C12orf50: variants seen among roughly 807,000 people sequenced by gnomAD.
C12orf50 encodes the protein zinc finger CCCH-type containing 11D.
A neutral mutation model predicts 61.6 loss-of-function variants in C12orf50; 35 were observed. That is an observed-to-expected ratio of 0.57 (90% CI 0.43 to 0.75). The LOEUF is 0.75. Among genes scored for constraint, C12orf50 ranks in the 30% least tolerant of loss-of-function variants. C12orf50 has a pLI of 0.00. For missense variants in C12orf50, 475 were observed against 488.5 expected (o/e 0.97, Z 0.26); for synonymous variants, 178 against 161.5 (o/e 1.10, Z -0.77).
chr12:88,029,904 A>G (rs1333820023), upstream of C12orf50, among the ~76,000 whole-genome samples: 1 of 152,220 alleles, frequency 6.6e-6, no homozygotes, highest in African/African-American at 2.4e-5. Context: ...TTCATCCATC[A>G]TAAAAAGAGG....
rs926399825 is a variant in C12orf50 at position 87,998,264 on chromosome 12, G to T, written c.134-74C>A. ...TAAGTAGATGTAACAATCAATCATTGCCCTCCTAATTAACTATATATTATT... is the reference window on the plus strand; with the variant it reads ...TAAGTAGATGTAACAATCAATCATTTCCCTCCTAATTAACTATATATTATT... On this transcript the variant is annotated intron_variant, in intron 3 of 12. Transcript: ENST00000298699. 1.1e-5 allele frequency: 13 copies of T among 1,162,270 alleles called. No individual in the cohort carries two copies. In the East Asian group the frequency reaches 1.7e-4, roughly 15 times the overall value. The allele number at this position is 1,162,270 out of a possible 1,614,324, so 72.0% of individuals were successfully genotyped here. A position where few individuals can be genotyped will look rare whatever the true frequency, so the allele number is the denominator to read the frequency against.
chr12:88,009,955 T>C (rs2032033446), intron 3 of C12orf50, among the ~76,000 whole-genome samples: 1 of 152,154 alleles, frequency 6.6e-6, no homozygotes, highest in Non-Finnish European at 1.5e-5. Context: ...TTTTACATTT[T>C]GATCAATAAT....
Position 87,987,958 on chromosome 12 carries a change from C to T in C12orf50, c.709G>A (p.Asp237Asn), listed in dbSNP as rs1290934364. The change falls in exon 9 of 13, where the codon GAC becomes AAC. Residue 237 changes from aspartate (D) to asparagine (N), a missense_variant. Coordinates refer to ENST00000298699, the MANE Select transcript of C12orf50 (RefSeq NM_152589.3). ...AGGGAATGCTTTGGATGAGGACTGTCCTTGTTATCTTTTAAAGCAAATTAA... is the reference window on the plus strand; with the variant it reads ...AGGGAATGCTTTGGATGAGGACTGTTCTTGTTATCTTTTAAAGCAAATTAA... ...SKCSNTKDNK[D>N]SPHPKHSLTT... The T allele has an allele frequency of 4.4e-6, 7 of 1,586,126 alleles. No individual in the cohort carries two copies. In the Admixed American group the frequency reaches 5.3e-5, roughly 12 times the overall value.
At chr12:87,986,566 A>G (rs1171952917) in intron 9 of C12orf50, 150 bp from the exon 10 acceptor site, 1 of 462,892 alleles carries the variant, frequency 2.2e-6, no homozygotes, top group African/African-American at 2.0e-5. Flanking sequence ...TTAGAACAAA[A>G]GGTGATTTAT....
chr12:88,011,497 C>G (rs2032108448), intron 3 of C12orf50, among the ~76,000 whole-genome samples: 1 of 152,144 alleles, frequency 6.6e-6, no homozygotes, highest in Admixed American at 6.5e-5. Flanking sequence ...CACTCTTTGC[C>G]AAGAATTCTA....
chr12:87,983,056 C>A, intron 12 of C12orf50, 47 bp downstream of exon 12: 1 of 1,161,524 alleles, frequency 8.6e-7, no homozygotes, highest in Non-Finnish European at 1.2e-6. Flanking sequence ...AAAACTTATT[C>A]ATTTTCAGAA....
chr12:87,998,165 C>G lies in C12orf50; in HGVS notation c.159G>C (p.Gln53His). The G allele has an allele frequency of 2.5e-6, 4 of 1,612,356 alleles. No individual in the cohort carries two copies. The highest frequency in any genetic ancestry group is 2.5e-6 in the Non-Finnish European group (3 of 1,178,942). The change falls in exon 4 of 13, where the codon CAG becomes CAC. Residue 53 changes from glutamine (Q) to histidine (H), a missense_variant. By Grantham distance (24) the Gln-to-His change is conservative. Transcript: ENST00000298699. ...SSNITLQKEIQEGIPLQSQSQ... is the reference protein window; with the variant it reads ...SSNITLQKEIHEGIPLQSQSQ... ...TCTGGGACTGGAGTGGAATTCCTTC[C>G]TGAATTTCTTTCTGTAGTGTGATAT...
chr12:88,002,805 T>C (rs1483313444), intron 3 of C12orf50, among the ~76,000 whole-genome samples: 1 of 151,716 alleles, frequency 6.6e-6, no homozygotes, highest in African/African-American at 2.4e-5. Flanking sequence ...TTTTCTAGTA[T>C]AATATTAAAT....
At chr12:87,986,183 AAGTTG>A in intron 10 of C12orf50, 124 bp downstream of exon 10, 1 of 1,258,352 alleles carries the variant, frequency 7.9e-7, no homozygotes, top group South Asian at 1.4e-5. Context: ...AAGTTTAGAG[AAGTTG>A]AGTTGACCCC....
chr12:87,980,733 G>T (rs1319925526), intron 12 of C12orf50, among the ~76,000 whole-genome samples: 1 of 152,162 alleles, frequency 6.6e-6, no homozygotes, highest in Admixed American at 6.6e-5. Context: ...GACATCTCCA[G>T]TTGCCTTCAG....
Position 87,986,280 on chromosome 12 carries a change from A to G in C12orf50, c.922+32T>C, listed in dbSNP as rs202118256. The G allele has an allele frequency of 6.2e-6, 9 of 1,443,798 alleles. No individual in the cohort carries two copies. In the East Asian group the frequency reaches 1.6e-4, roughly 26 times the overall value. 89.4% of individuals were successfully genotyped at this position (1,443,798 alleles called of 1,614,324 possible). On this transcript the variant is annotated intron_variant, in intron 10 of 12. Transcript: ENST00000298699. Reference sequence around the variant, plus strand: ...ATATTTAATCTCTTTTAAAATTACAATTTAGAAATATCAAATATATAGACA... The same window carrying G: ...ATATTTAATCTCTTTTAAAATTACAGTTTAGAAATATCAAATATATAGACA...
At position 87,994,656 on chromosome 12, in the gene C12orf50, T is replaced by C. The variant is rs760975009; in HGVS notation, c.569A>G (p.Asp190Gly). Residue 190 changes from aspartate to glycine, a missense_variant, in exon 7 of 13, where the codon GAC (aspartate) becomes GGC (glycine). By Grantham distance (94) the Asp-to-Gly change is moderately conservative. Transcript: ENST00000298699. ...KTSLHGKPKT[D>G]IAAFENGGGD... ...ACCTCCATTTTCAAAAGCAGCAATGTCAGTCTTTGGTTTCCCATGCAATGA... is the reference window on the plus strand; with the variant it reads ...ACCTCCATTTTCAAAAGCAGCAATGCCAGTCTTTGGTTTCCCATGCAATGA... 1.2e-6 allele frequency: 2 copies of C among 1,612,016 alleles called. No individual in the cohort carries two copies. Among genetic ancestry groups the C allele is most frequent in the South Asian group, 1.1e-5 (1 of 91,002 alleles).
At chr12:88,005,683 A>T (rs1565752106) in intron 3 of C12orf50, among the ~76,000 whole-genome samples, 1 of 152,070 alleles carries the variant, frequency 6.6e-6, no homozygotes, top group African/African-American at 2.4e-5. Context: ...TCTGTCGCCC[A>T]GGCTGGAGTG....
Position 87,987,903 on chromosome 12 carries a change from A to G in C12orf50, c.764T>C (p.Val255Ala). 2 of 1,612,092 alleles carry G rather than the reference A, an allele frequency of 1.2e-6. No individual in the cohort carries two copies. The highest frequency in any genetic ancestry group is 8.5e-7 in the Non-Finnish European group (1 of 1,178,764). ...ACTGATATTCTCAGTAGCATTTAAT[A>G]CATGCGTTGTAGGTACTAGTCGGGT... ...LTTRLVPTTH[V>A]LNATENISMK... is the part of the protein sequence containing the mutation. The change falls in exon 9 of 13, where the codon GTA becomes GCA. Residue 255 changes from valine to alanine, a missense_variant. Transcript: ENST00000298699.
chr12:88,028,138 A>G (rs182386843), intron 1 of C12orf50, among the ~76,000 whole-genome samples: 2 of 152,268 alleles, frequency 1.3e-5, no homozygotes. Flanking sequence ...ATTATTATTT[A>G]TTCATTTAAT....
At chr12:88,024,091 C>T (rs1181019849) in intron 3 of C12orf50, among the ~76,000 whole-genome samples, 1 of 152,064 alleles carries the variant, frequency 6.6e-6, no homozygotes, top group Non-Finnish European at 1.5e-5. Context: ...CACCTCATAC[C>T]AATAAGAATG....
intron 11 of C12orf50, chr12:87,984,017 G>C: frequency 6.8e-6 from 1 of 147,730 alleles, no homozygotes; most frequent in East Asian, 2.0e-4. Flanking sequence ...CAGTGTAAAA[G>C]TGTTCCTATT....
chr12:88,004,888 G>GA (rs1186093514), intron 3 of C12orf50, among the ~76,000 whole-genome samples: 9 of 152,290 alleles, frequency 5.9e-5, no homozygotes, highest in African/African-American at 1.7e-4. Flanking sequence ...CTTGAGGGTG[G>GA]AGGGTGAGAG....
At chr12:88,004,794 C>T (rs376905544) in intron 3 of C12orf50, among the ~76,000 whole-genome samples, 2 of 152,160 alleles carry the variant, frequency 1.3e-5, no homozygotes, top group African/African-American at 4.8e-5. Context: ...GAAAACAAAA[C>T]ACTGCACCTT....
Sources: gnomAD v4.1 joint callset for allele counts (sites outside exome capture counted in the v4.1 genomes callset) on GRCh38, gnomAD v4.1.1 for gene constraint, MANE v1.5 for transcripts, NCBI Gene and HGNC (gene_info 2026-07-23, HGNC 2026-07-21) for gene names.